AKR1B15: variants seen among roughly 807,000 people sequenced by gnomAD.
AKR1B15 encodes estradiol 17-beta-dehydrogenase AKR1B15.
AKR1B15 carries 49 observed loss-of-function variants against 38.5 expected under a neutral mutation model. The observed-to-expected ratio is 1.27, with a 90% confidence interval of 1.01 to 1.62. AKR1B15 has a LOEUF of 1.62. Ranked by LOEUF, AKR1B15 falls within the 40% of genes most tolerant of loss-of-function variation. AKR1B15 has a pLI of 0.00. For missense variants in AKR1B15, 411 were observed against 381.6 expected, an observed-to-expected ratio of 1.08 and a Z score of -0.64; for synonymous variants, 137 against 135.5, an observed-to-expected ratio of 1.01 and a Z score of -0.08.
At chr7:134,577,817 G>T (rs1200834112) in intron 11 of AKR1B15, 31 bp downstream of exon 11, 5 of 1,609,074 alleles carry the variant, frequency 3.1e-6, no homozygotes, top group Admixed American at 3.4e-5. Flanking sequence ...TAGAAGAATT[G>T]CCAGGAGTTT....
chr7:134,578,680 A>G (rs948407493), intron 11 of AKR1B15, among the ~76,000 whole-genome samples: 5 of 152,254 alleles, frequency 3.3e-5, no homozygotes, highest in African/African-American at 1.2e-4. Flanking sequence ...ATATTTGTGT[A>G]GCCAAAAATG....
intron 2 of AKR1B15, among the ~76,000 whole-genome samples, 172 bp from the exon 3 acceptor site, chr7:134,564,426 G>A (rs565757031): frequency 6.6e-5 from 10 of 152,198 alleles, no homozygotes; most frequent in East Asian, 3.9e-4. Context: ...GCTGCCCGGC[G>A]TTTACAGGAA....
intron 3 of AKR1B15, 78 bp from the exon 4 acceptor site, chr7:134,568,080 C>T: frequency 1.3e-6 from 2 of 1,558,734 alleles, no homozygotes; most frequent in Non-Finnish European, 8.7e-7. Context: ...GAGTGTGAGG[C>T]CAGCCTGGGC....
Position 134,577,758 on chromosome 7 carries a change from A to G in AKR1B15, c.964A>G (p.Arg322Gly). 1 of 1,614,044 alleles carries G rather than the reference A, an allele frequency of 6.2e-7. No homozygotes were observed. Among genetic ancestry groups the G allele is most frequent in the Non-Finnish European group, 8.5e-7 (1 of 1,179,974 alleles). Reference protein sequence around the residue: ...EEMATILSFNRNWRAFDFKEF... With the variant: ...EEMATILSFNGNWRAFDFKEF... ...GATGGCAACCATACTCAGCTTCAAC[A>G]GAAACTGGAGGGCCTTTGACTTCAA... Residue 322 changes from arginine (R) to glycine (G), a missense_variant, in exon 11 of 12, where the codon AGA becomes GGA. Around this residue, in one of 3 missense-constraint regions of AKR1B15, gnomAD observed 133 missense variants for 120.3 expected, o/e 1.11. Transcript: ENST00000457545.
At chr7:134,564,945 A>C (rs1412056881) in intron 3 of AKR1B15, 176 bp downstream of exon 3, 3 of 446,386 alleles carry the variant, frequency 6.7e-6, no homozygotes, top group Non-Finnish European at 1.2e-5. Flanking sequence ...TGTCTAGCTA[A>C]AGGATTGTAA....
At chr7:134,571,181 A>T (rs1794659975) in intron 5 of AKR1B15, among the ~76,000 whole-genome samples, 1 of 152,182 alleles carries the variant, frequency 6.6e-6, no homozygotes, top group Non-Finnish European at 1.5e-5. Context: ...ATGGCCTGCC[A>T]TCCCGAATTC....
At chr7:134,556,273 T>A (rs1291896613) in intron 1 of AKR1B15, among the ~76,000 whole-genome samples, 1 of 152,184 alleles carries the variant, frequency 6.6e-6, no homozygotes, top group Non-Finnish European at 1.5e-5. Context: ...CCCAGCCCGA[T>A]GTCCATTTTG....
At chr7:134,566,119 C>A (rs1794528323) in intron 3 of AKR1B15, among the ~76,000 whole-genome samples, 1 of 152,118 alleles carries the variant, frequency 6.6e-6, no homozygotes, top group African/African-American at 2.4e-5. Flanking sequence ...CATAGCAAGA[C>A]CCAATTTCTA....
intron 11 of AKR1B15, among the ~76,000 whole-genome samples, chr7:134,578,980 A>G (rs189591864): frequency 7.9e-4 from 121 of 152,214 alleles, no homozygotes; most frequent in Middle Eastern, 3.4e-3. Flanking sequence ...CTCAAATCCA[A>G]CTCTAACACT....
At chr7:134,554,874 C>T (rs1228354704) in intron 1 of AKR1B15, among the ~76,000 whole-genome samples, 4 of 152,180 alleles carry the variant, frequency 2.6e-5, no homozygotes, top group African/African-American at 9.7e-5. Context: ...ATAGCTCAGT[C>T]GGTCAGCAAG....
At chr7:134,554,454 A>G in intron 1 of AKR1B15, among the ~76,000 whole-genome samples, 1 of 152,112 alleles carries the variant, frequency 6.6e-6, no homozygotes, top group Admixed American at 6.5e-5. Context: ...ACTTTTATCA[A>G]TCATCTACAT....
intron 2 of AKR1B15, among the ~76,000 whole-genome samples, chr7:134,563,868 C>G (rs1794474692): frequency 6.6e-6 from 1 of 152,208 alleles, no homozygotes; most frequent in Admixed American, 6.5e-5. Flanking sequence ...CCACAGCTAC[C>G]TTGGCAAGTA....
At chr7:134,567,386 G>A (rs1484455734) in intron 3 of AKR1B15, among the ~76,000 whole-genome samples, 2 of 151,954 alleles carry the variant, frequency 1.3e-5, no homozygotes, top group African/African-American at 2.4e-5. Flanking sequence ...TTATAGGAAT[G>A]GAAAACAAAC....
chr7:134,549,382 GTCTCTC>G (rs569191307), intron 1 of AKR1B15, 133 bp downstream of exon 1: 1 of 151,578 alleles, frequency 6.6e-6, no homozygotes, highest in Non-Finnish European at 1.5e-5. Context: ...GTTAAGTCTA[GTCTCTC>G]TCTCTCTCTA....
At chr7:134,551,033 GT>G (rs1462547479) in intron 1 of AKR1B15, among the ~76,000 whole-genome samples, 2 of 152,144 alleles carry the variant, frequency 1.3e-5, no homozygotes, top group Non-Finnish European at 2.9e-5. Context: ...GTAGCCATTC[GT>G]GATCCTACCT....
chr7:134,554,374 C>G (rs1339945297), intron 1 of AKR1B15, among the ~76,000 whole-genome samples: 1 of 152,118 alleles, frequency 6.6e-6, no homozygotes, highest in South Asian at 2.1e-4. Flanking sequence ...ATCTTCAAGC[C>G]AGTAAAAATC....
Position 134,576,412 on chromosome 7 carries a change from CA to C in AKR1B15, c.814del (p.Thr272ProfsTer6). The C allele has an allele frequency of 4.3e-6, 7 of 1,614,030 alleles. No individual in the cohort carries two copies. Among genetic ancestry groups the C allele is most frequent in the African/African-American group, 2.7e-5 (2 of 75,052 alleles). On this transcript the variant is annotated frameshift_variant, in exon 9 of 12. Coordinates refer to ENST00000457545, the MANE Select transcript of AKR1B15 (RefSeq NM_001080538.3). LOFTEE classifies it high-confidence loss of function. Reference sequence around the variant, plus strand: ...AGATTAAGGAGATTGCTGCAAAGCACAAAAAAACCACAGCCCAGGTACCATA... The same window carrying C: ...AGATTAAGGAGATTGCTGCAAAGCACAAAAAACCACAGCCCAGGTACCATA... The part of the protein sequence containing the change: ...PKIKEIAAKH[K>X]KTTAQVLIRF...
At chr7:134,569,841 G>C (rs113112604) in intron 5 of AKR1B15, 2 of 291,366 alleles carry the variant, frequency 6.9e-6, no homozygotes, top group Non-Finnish European at 1.3e-5. Flanking sequence ...GATGAATGTC[G>C]CCTCAGGACC....
chr7:134,567,060 G>C (rs1448668911), intron 3 of AKR1B15, among the ~76,000 whole-genome samples: 1 of 152,208 alleles, frequency 6.6e-6, no homozygotes, highest in Admixed American at 6.5e-5. Flanking sequence ...ACTTAGCAGT[G>C]GAGGTGAAGA....
Sources: gnomAD v4.1 joint callset for allele counts (sites outside exome capture counted in the v4.1 genomes callset) on GRCh38, gnomAD v4.1.1 for gene constraint, gnomAD v4.1.1 regional missense constraint, MANE v1.5 for transcripts, NCBI Gene and HGNC (gene_info 2026-07-23, HGNC 2026-07-21) for gene names.